Variants in SKAP2 observed in about 807,000 individuals in gnomAD.
The protein encoded by SKAP2 is src kinase-associated phosphoprotein 2.
A neutral mutation model predicts 54.9 loss-of-function variants in SKAP2; 28 were observed. That is an observed-to-expected ratio of 0.51 (90% CI 0.38 to 0.70). The LOEUF (loss-of-function observed/expected upper bound fraction) is 0.70. Among genes scored for constraint, SKAP2 ranks in the 30% least tolerant of loss-of-function variants. SKAP2 has a pLI of 0.00. For synonymous variants in SKAP2, 137 were observed against 134.3 expected (o/e 1.02, Z -0.14); for missense variants, 356 against 424.1 (o/e 0.84, Z 1.41).
At position 26,695,704 on chromosome 7, in the gene SKAP2, A is replaced by C. The variant is rs1786880030; in HGVS notation, c.797-5342T>G. On this transcript the variant is annotated intron_variant, in intron 9 of 12. Coordinates refer to ENST00000345317, the MANE Select transcript of SKAP2 (RefSeq NM_003930.5). ...AGCATCGTATCTGAAGAACATCTTA[A>C]GCAAACTTTTTAGTGCTGATTTAGA... 2.0e-5 allele frequency among the ~76,000 whole-genome samples: 3 copies of C among 152,332 alleles called. No homozygotes were observed. In the South Asian group the frequency reaches 6.2e-4, roughly 32 times the overall value.
chr7:26,830,283 T>C (rs1006750772), intron 4 of SKAP2, among the ~76,000 whole-genome samples: 3 of 152,164 alleles, frequency 2.0e-5, no homozygotes, highest in Non-Finnish European at 2.9e-5. Flanking sequence ...ACTCATGGCA[T>C]GGAGTTTCTT....
At chr7:26,682,911 A>G (rs1282999142) in intron 11 of SKAP2, among the ~76,000 whole-genome samples, 1 of 152,230 alleles carries the variant, frequency 6.6e-6, no homozygotes, top group Non-Finnish European at 1.5e-5. Context: ...CAGTAGAAAC[A>G]AGAGATGCCT....
At chr7:26,756,880 T>A (rs1584371938) in intron 4 of SKAP2, among the ~76,000 whole-genome samples, 1 of 152,338 alleles carries the variant, frequency 6.6e-6, no homozygotes, top group South Asian at 2.1e-4. Flanking sequence ...TTCTAACTGG[T>A]GTGAGATGGT....
chr7:26,830,193 G>T (rs1784570252), intron 4 of SKAP2, among the ~76,000 whole-genome samples: 2 of 152,124 alleles, frequency 1.3e-5, no homozygotes, highest in Admixed American at 1.3e-4. Context: ...TAAATCTGTA[G>T]AAACAGAAAT....
chr7:26,720,668 A>C (rs1034659178), intron 9 of SKAP2, among the ~76,000 whole-genome samples: 7 of 152,156 alleles, frequency 4.6e-5, no homozygotes, highest in African/African-American at 1.4e-4. Context: ...GGAAACTTAC[A>C]ATCATGGCGG....
chr7:26,657,909 A>G, the SKAP2 span, among the ~76,000 whole-genome samples: 3 of 152,070 alleles, frequency 2.0e-5, no homozygotes, highest in South Asian at 4.2e-4. Flanking sequence ...CTGCATACCA[A>G]TTTCCTCTCT....
intron 6 of SKAP2, among the ~76,000 whole-genome samples, chr7:26,733,656 G>T (rs1787866173): frequency 6.6e-6 from 1 of 152,088 alleles, no homozygotes; most frequent in South Asian, 2.1e-4. Flanking sequence ...GGAGAGCAGG[G>T]AGGTAAATTT....
At chr7:26,783,932 T>TA (rs1783481197) in intron 4 of SKAP2, among the ~76,000 whole-genome samples, 1 of 149,994 alleles carries the variant, frequency 6.7e-6, no homozygotes, top group South Asian at 2.1e-4. Context: ...CCCTGAAACT[T>TA]AAAGTATAAT....
intron 9 of SKAP2, among the ~76,000 whole-genome samples, chr7:26,714,211 C>T (rs1787377541): frequency 6.6e-6 from 1 of 152,022 alleles, no homozygotes; most frequent in Admixed American, 6.5e-5. Context: ...TTCCTTGAAC[C>T]AGGATGTGAA....
At chr7:26,708,070 G>A (rs1040205616) in intron 9 of SKAP2, among the ~76,000 whole-genome samples, 1 of 152,272 alleles carries the variant, frequency 6.6e-6, no homozygotes, top group Non-Finnish European at 1.5e-5. Context: ...AAGTAAACAG[G>A]CAAATTCCTG....
chr7:26,804,516 A>G (rs1432895871), intron 4 of SKAP2, among the ~76,000 whole-genome samples: 1 of 152,150 alleles, frequency 6.6e-6, no homozygotes, highest in Non-Finnish European at 1.5e-5. Flanking sequence ...CAAGGCGGGC[A>G]GATCACAAGG....
intron 4 of SKAP2, among the ~76,000 whole-genome samples, chr7:26,803,377 C>A (rs7779269): frequency 0.084 from 12,813 of 152,258 alleles, 607 homozygotes; most frequent in Middle Eastern, 0.16. Flanking sequence ...TGCTCAACAT[C>A]ACTGATCATC....
Position 26,821,376 on chromosome 7 carries a change from A to T in SKAP2, c.307+22654T>A, listed in dbSNP as rs189049196. On this transcript the variant is annotated intron_variant, in intron 4 of 12. Transcript: ENST00000345317. ...ACCAGGACTATAATCATACTAAGGAATGAAAGTAATTAATGGCTTCTAAAA... is the reference window on the plus strand; with the variant it reads ...ACCAGGACTATAATCATACTAAGGATTGAAAGTAATTAATGGCTTCTAAAA... Among the ~76,000 whole-genome samples, 66 of 152,342 alleles carry T rather than the reference A, an allele frequency of 4.3e-4. 2 individuals are homozygous for T. In the East Asian group the frequency reaches 7.5e-3, roughly 17 times the overall value.
chr7:26,663,902 C>A (rs1261851151), downstream of SKAP2, among the ~76,000 whole-genome samples: 1 of 152,058 alleles, frequency 6.6e-6, no homozygotes, highest in Admixed American at 6.6e-5. Flanking sequence ...GTCTCCATTG[C>A]GGATCAGCTG....
chr7:26,716,182 C>T (rs1787432835), intron 9 of SKAP2, among the ~76,000 whole-genome samples: 2 of 152,038 alleles, frequency 1.3e-5, no homozygotes, highest in South Asian at 4.2e-4. Flanking sequence ...ATCTTTATAT[C>T]CTTACTTATT....
chr7:26,712,470 T>C (rs1332693232), intron 9 of SKAP2, among the ~76,000 whole-genome samples: 4 of 152,216 alleles, frequency 2.6e-5, no homozygotes, highest in Non-Finnish European at 4.4e-5. Flanking sequence ...ATCTGATAAC[T>C]AAGGACAAGG....
At chr7:26,729,925 T>C (rs1464033485) in intron 6 of SKAP2, among the ~76,000 whole-genome samples, 2 of 152,152 alleles carry the variant, frequency 1.3e-5, no homozygotes, top group Non-Finnish European at 2.9e-5. Context: ...AAAAAGAAAC[T>C]AATATCTAGA....
At chr7:26,826,118 T>TAAACACAC (rs775976113) in intron 4 of SKAP2, among the ~76,000 whole-genome samples, 1 of 150,026 alleles carries the variant, frequency 6.7e-6, no homozygotes, top group Non-Finnish European at 1.5e-5. Flanking sequence ...ATTCGTGCAA[T>TAAACACAC]ACACACACAC....
chr7:26,787,194 G>C (rs1045163724), intron 4 of SKAP2, among the ~76,000 whole-genome samples: 1 of 152,108 alleles, frequency 6.6e-6, no homozygotes, highest in African/African-American at 2.4e-5. Flanking sequence ...GGCTGTTTTT[G>C]CACTGCTATA....
Sources: gnomAD v4.1 joint callset for allele counts (sites outside exome capture counted in the v4.1 genomes callset) on GRCh38, gnomAD v4.1.1 for gene constraint, MANE v1.5 for transcripts, NCBI Gene and HGNC (gene_info 2026-07-23, HGNC 2026-07-21) for gene names.